The following MTPAP variants were observed in gnomAD, a reference collection of about 807,000 sequenced individuals.
MTPAP encodes poly(A) RNA polymerase, mitochondrial.
A neutral mutation model predicts 48.7 loss-of-function variants in MTPAP; 23 were observed. The ratio of observed to expected loss-of-function variants is 0.47; its 90% CI spans 0.34 to 0.67. The LOEUF (loss-of-function observed/expected upper bound fraction) is 0.67, where lower values mean the gene tolerates loss of function less well. Ranked by LOEUF, MTPAP falls within the 30% of genes least tolerant of loss-of-function variation. MTPAP has a pLI of 0.01. For synonymous variants in MTPAP, 257 were observed against 254.1 expected, an observed-to-expected ratio of 1.01 and a Z score of -0.11; for missense variants, 614 against 694.3, an observed-to-expected ratio of 0.88 and a Z score of 1.30.
Position 30,349,253 on chromosome 10 carries a change from A to G in MTPAP, c.23T>C (p.Leu8Pro), listed in dbSNP as rs778318119. 2.1e-6 allele frequency: 3 copies of G among 1,439,602 alleles called. No homozygotes were observed. Among genetic ancestry groups the G allele is most frequent in the South Asian group, 1.1e-5 (1 of 88,180 alleles). 89.2% of individuals were successfully genotyped at this position (1,439,602 alleles called of 1,614,324 possible). Residue 8 changes from leucine (L) to proline (P), a missense_variant, in exon 1 of 9, where the codon CTC becomes CCC. Leu to Pro is a moderately conservative substitution (Grantham distance 98, BLOSUM62 -3). Transcript: ENST00000263063. ...GGCACACAGGTTCAAACGGGTCAAG[A>G]GCCCCACGCCGGGAACCGCCATTGC... MAVPGVG[L>P]LTRLNLCARR...
In MTPAP at chr10:30,340,407, C is replaced by T. The variant is rs1301199573; in HGVS notation, c.374G>A (p.Gly125Asp). ...AGTATGAGTCCCATTCTGCAGTGAA[C>T]CTATGCTTTCCTTTTGGCAAAATTC... The part of the protein sequence containing the change: ...VVEFCQKESI[G>D]SLQNGTHTPS... The change falls in exon 3 of 9, where the codon GGT becomes GAT. Residue 125 changes from glycine (G) to aspartate (D), a missense_variant. This residue lies in a region of MTPAP where 114 missense variants were observed against 107.9 expected (regional missense o/e 1.06). Coordinates refer to ENST00000263063, the MANE Select transcript of MTPAP (RefSeq NM_018109.4). 2 of 1,614,034 alleles carry T rather than the reference C, an allele frequency of 1.2e-6. No individual in the cohort carries two copies. The highest frequency in any genetic ancestry group is 1.7e-6 in the Non-Finnish European group (2 of 1,180,044).
At chr10:30,320,069 C>CATCCT (rs2132847965) in intron 6 of MTPAP, among the ~76,000 whole-genome samples, 1 of 152,192 alleles carries the variant, frequency 6.6e-6, no homozygotes, top group South Asian at 2.1e-4. Context: ...CCAGCCTGGG[C>CATCCT]AATATAGTAA....
At chr10:30,334,683 T>C (rs76822615) in intron 4 of MTPAP, among the ~76,000 whole-genome samples, 7,820 of 151,796 alleles carry the variant, frequency 0.052, 667 homozygotes, top group African/African-American at 0.18. Flanking sequence ...ATAAAAACAA[T>C]GTAGTTGGAA....
intron 1 of MTPAP, 77 bp downstream of exon 1, chr10:30,349,042 A>G: frequency 5.0e-6 from 8 of 1,602,576 alleles, no homozygotes; most frequent in Non-Finnish European, 6.8e-6. Flanking sequence ...CCGTTTCCAC[A>G]GGCCACGTGT....
chr10:30,335,089 T>C (rs1030359795), intron 4 of MTPAP, among the ~76,000 whole-genome samples: 3 of 152,236 alleles, frequency 2.0e-5, no homozygotes, highest in Non-Finnish European at 2.9e-5. Flanking sequence ...TCTCAAAATA[T>C]TGTTTGAAAT....
intron 4 of MTPAP, among the ~76,000 whole-genome samples, chr10:30,334,498 TA>T (rs1834706267): frequency 6.6e-6 from 1 of 151,706 alleles, no homozygotes; most frequent in Non-Finnish European, 1.5e-5. Context: ...CCATCTCTAT[TA>T]AAAACACAAA....
At chr10:30,315,880 TAG>T in intron 8 of MTPAP, 81 bp downstream of exon 8, 1 of 1,318,532 alleles carries the variant, frequency 7.6e-7, no homozygotes, top group East Asian at 2.5e-5. Flanking sequence ...TAACATTTAT[TAG>T]AGTGTTTTGA....
intron 3 of MTPAP, 52 bp downstream of exon 3, chr10:30,340,174 G>C (rs765898623): frequency 1.4e-6 from 2 of 1,385,150 alleles, no homozygotes; most frequent in Non-Finnish European, 1.0e-6. Flanking sequence ...AATCTTTATT[G>C]TTCATAAAAA....
Position 30,311,580 on chromosome 10 carries a change from C to G in MTPAP, c.*2029G>C, listed in dbSNP as rs1249622540. The G allele has an allele frequency of 6.6e-6, 1 of 152,168 alleles. No homozygotes were observed. Among genetic ancestry groups the G allele is most frequent in the Non-Finnish European group, 1.5e-5 (1 of 68,034 alleles). 9.4% of individuals were successfully genotyped at this position (152,168 alleles called of 1,614,324 possible). A position where few individuals can be genotyped will look rare whatever the true frequency, so the allele number is the denominator to read the frequency against. ...CCTCACATTGATCTGATCATGATCCCCATTTTACAGATCAAACAGGGGCCC... is the reference window on the plus strand; with the variant it reads ...CCTCACATTGATCTGATCATGATCCGCATTTTACAGATCAAACAGGGGCCC... On this transcript the variant is annotated 3_prime_UTR_variant, in exon 9 of 9. Coordinates refer to ENST00000263063, the MANE Select transcript of MTPAP (RefSeq NM_018109.4).
intron 6 of MTPAP, among the ~76,000 whole-genome samples, chr10:30,318,337 T>C (rs556821948): frequency 6.6e-6 from 1 of 152,358 alleles, no homozygotes; most frequent in South Asian, 2.1e-4. Context: ...TGCTCTACTA[T>C]ACAATTTATA....
chr10:30,335,639 T>C (rs1213928068), intron 4 of MTPAP, among the ~76,000 whole-genome samples: 1 of 151,836 alleles, frequency 6.6e-6, no homozygotes, highest in Non-Finnish European at 1.5e-5. Context: ...AGAAATAATA[T>C]CCAAACTTGA....
At chr10:30,316,393 C>G (rs1037757471) in intron 6 of MTPAP, among the ~76,000 whole-genome samples, 183 bp from the exon 7 acceptor site, 1 of 151,680 alleles carries the variant, frequency 6.6e-6, no homozygotes, top group Non-Finnish European at 1.5e-5. Context: ...TAGGCACATG[C>G]CCCCACGCTC....
At chr10:30,340,547 A>T in intron 2 of MTPAP, 97 bp from the exon 3 acceptor site, 7 of 896,884 alleles carry the variant, frequency 7.8e-6, no homozygotes, top group Non-Finnish European at 1.3e-5. Flanking sequence ...TAATGCTACA[A>T]AATATCAAGT....
Position 30,312,895 on chromosome 10 carries a change from T to C in MTPAP, c.*714A>G, listed in dbSNP as rs1000341005. ...AACAATATTTTTAAAATGCAATCTA[T>C]TGATGTCATCATATTTGGTTTGGAA... On this transcript the variant is annotated 3_prime_UTR_variant, in exon 9 of 9. Transcript: ENST00000263063. 5.9e-5 allele frequency: 9 copies of C among 152,250 alleles called. No individual in the cohort carries two copies. Among genetic ancestry groups the C allele is most frequent in the Non-Finnish European group, 8.8e-5 (6 of 68,050 alleles). The allele number at this position is 152,250 out of a possible 1,614,324, so 9.4% of individuals were successfully genotyped here.
rs1279264229 is a variant in MTPAP, at chr10:30,312,962, T to G, written c.*647A>C. 1.3e-5 allele frequency: 2 copies of G among 152,322 alleles called. No homozygotes were observed. The highest frequency in any genetic ancestry group is 2.4e-5 in the African/African-American group (1 of 41,462). The allele number at this position is 152,322 out of a possible 1,614,324, so 9.4% of individuals were successfully genotyped here. A position where few individuals can be genotyped will look rare whatever the true frequency, so the allele number is the denominator to read the frequency against. ...GACTGAAATGTCTGTTCTAAAAACA[T>G]AAACATTTTTTGATATCAGTACCAA... On this transcript the variant is annotated 3_prime_UTR_variant, in exon 9 of 9. Transcript: ENST00000263063.
At chr10:30,327,333 CA>C (rs34178588) in intron 4 of MTPAP, among the ~76,000 whole-genome samples, 41,018 of 127,150 alleles carry the variant, frequency 0.32, 6,312 homozygotes, top group African/African-American at 0.42. Context: ...TTTAAAAATA[CA>C]AAAAAAAAAA....
intron 5 of MTPAP, among the ~76,000 whole-genome samples, chr10:30,323,128 C>A (rs372171598): frequency 3.8e-3 from 330 of 86,426 alleles, no homozygotes; most frequent in Middle Eastern, 0.012. Context: ...GACTCCGTTT[C>A]AAAAAAAAAA....
intron 3 of MTPAP, chr10:30,339,863 T>C: frequency 4.0e-6 from 1 of 250,166 alleles, no homozygotes; most frequent in Non-Finnish European, 7.8e-6. Context: ...CATGAGGAAA[T>C]CTACAGTGAA....
chr10:30,339,828 T>C (rs1181470045), intron 3 of MTPAP: 2 of 213,232 alleles, frequency 9.4e-6, no homozygotes, highest in African/African-American at 4.6e-5. Flanking sequence ...GTAGGGTTTA[T>C]TCTGTGAATG....
Sources: gnomAD v4.1 joint callset for allele counts (sites outside exome capture counted in the v4.1 genomes callset) on GRCh38, gnomAD v4.1.1 for gene constraint, gnomAD v4.1.1 regional missense constraint, MANE v1.5 for transcripts, NCBI Gene and HGNC (gene_info 2026-07-23, HGNC 2026-07-21) for gene names.